SUN1: variants seen among roughly 807,000 people sequenced by gnomAD.
SUN1 encodes the protein SUN domain-containing protein 1.
A neutral mutation model predicts 103.2 loss-of-function variants in SUN1; 61 were observed. The observed-to-expected ratio is 0.59, with a 90% confidence interval of 0.48 to 0.73. The LOEUF is 0.73. SUN1 is among the 30% of genes least tolerant of loss of function. The probability of loss-of-function intolerance (pLI) is 0.00; values close to 1 mark genes in which losing one functional copy is unlikely to be tolerated. For synonymous variants in SUN1, 490 were observed against 425.7 expected (o/e 1.15, Z -1.86); for missense variants, 1,052 against 1,034.6 (o/e 1.02, Z -0.23).
chr7:872,136 G>A (rs575174098), intron 17 of SUN1, among the ~76,000 whole-genome samples: 1 of 152,316 alleles, frequency 6.6e-6, no homozygotes, highest in East Asian at 1.9e-4. Context: ...CACTGTGAGT[G>A]CTGAGGGCAG....
chr7:856,611 GT>G (rs1376283878), intron 12 of SUN1, among the ~76,000 whole-genome samples: 1 of 152,166 alleles, frequency 6.6e-6, no homozygotes, highest in Non-Finnish European at 1.5e-5. Flanking sequence ...TCCACGCGGC[GT>G]GGACCTCTGT....
chr7:847,553 C>T (rs559839896), intron 5 of SUN1, among the ~76,000 whole-genome samples: 2 of 51,718 alleles, frequency 3.9e-5, no homozygotes, highest in South Asian at 8.9e-4. Flanking sequence ...GTCCAGTCTC[C>T]GGGGTCCCCT....
chr7:866,573 C>T (rs1369776665), intron 16 of SUN1, among the ~76,000 whole-genome samples: 2 of 137,564 alleles, frequency 1.5e-5, no homozygotes, highest in African/African-American at 5.4e-5. Flanking sequence ...CCTTCGCCCC[C>T]ACTGTCTCCC....
At chr7:828,335 T>A (rs1409970257), upstream of SUN1, among the ~76,000 whole-genome samples, 1 of 152,044 alleles carries the variant, frequency 6.6e-6, no homozygotes, top group Admixed American at 6.6e-5. Flanking sequence ...GCAGTGGTGC[T>A]GTGTTGGCTC....
At chr7:863,096 C>A (rs189679730) in intron 15 of SUN1, among the ~76,000 whole-genome samples, 3 of 152,160 alleles carry the variant, frequency 2.0e-5, no homozygotes, top group Non-Finnish European at 4.4e-5. Context: ...AAGCTGAGAT[C>A]GTGCCACTGC....
Position 832,597 on chromosome 7 carries a change from C to G in SUN1, c.73C>G (p.Leu25Val). The G allele has an allele frequency of 1.9e-6, 3 of 1,611,092 alleles. No homozygotes were observed. The East Asian group carries it at 6.7e-5, about 36-fold the overall frequency. Residue 25 changes from leucine to valine, a missense_variant, in exon 1 of 19, where the codon CTC (leucine) becomes GTC (valine). Coordinates refer to ENST00000401592, the MANE Select transcript of SUN1 (RefSeq NM_001130965.3). Reference sequence around the variant, plus strand: ...GGAGAACACGGGCTACACGTATGCGCTCAGGTGAGTGTGCACCTGCACGTG... The same window carrying G: ...GGAGAACACGGGCTACACGTATGCGGTCAGGTGAGTGTGCACCTGCACGTG... ...VPENTGYTYA[L>V]SSSYSSDALD...
Position 817,249 on chromosome 7 carries a change from C to G in SUN1, c.-74+576C>G. The G allele has an allele frequency of 1.2e-5, 8 of 661,430 alleles. No individual in the cohort carries two copies. In the South Asian group the frequency reaches 1.4e-4, roughly 12 times the overall value. The allele number at this position is 661,430 out of a possible 1,614,324, so 41.0% of individuals were successfully genotyped here. ...CGCTCGGATCACAGGCGTGAGCCAC[C>G]GCGCCCGGCTGATAGTCGTATTTTT... is the stretch of plus-strand genomic sequence containing the variant. On this transcript the variant is annotated intron_variant, in intron 1 of 17. Coordinates refer to the SUN1 transcript ENST00000389574.
chr7:851,438 C>A lies in SUN1; in HGVS notation c.713C>A (p.Ser238Tyr). 6.2e-7 allele frequency: 1 copy of A among 1,610,718 alleles called. No homozygotes were observed. Among genetic ancestry groups the A allele is most frequent in the Non-Finnish European group, 8.5e-7 (1 of 1,178,576 alleles). The stretch of plus-strand genomic sequence containing the variant: ...ATCGGAGCTGTGGGCCAGGCTGTGT[C>A]CAGGACGGCGTGGTCGGCCCTTTGG... The part of the protein sequence containing the change: ...RRIGAVGQAV[S>Y]RTAWSALWLA... Residue 238 changes from serine (S) to tyrosine (Y), a missense_variant, in exon 6 of 19, where the codon TCC (serine) becomes TAC (tyrosine). Transcript: ENST00000401592.
At chr7:832,180 C>A, upstream of SUN1, 1 of 821,306 alleles carries the variant, frequency 1.2e-6, no homozygotes, top group Non-Finnish European at 1.5e-6. Context: ...GATTTAAAAA[C>A]ACATCTTGAA....
chr7:842,262 A>G (rs1810793908), intron 3 of SUN1, 132 bp downstream of exon 3: 1 of 996,342 alleles, frequency 1.0e-6, no homozygotes, highest in African/African-American at 1.6e-5. Flanking sequence ...GGCTGTGGCC[A>G]CATTGTGGGT....
In SUN1 at chr7:861,272, T is replaced by C; in HGVS notation, c.1780-108T>C. 4 of 1,107,400 alleles carry C rather than the reference T, an allele frequency of 3.6e-6. No homozygotes were observed. The South Asian group carries it at 5.4e-5, about 15-fold the overall frequency. The allele number at this position is 1,107,400 out of a possible 1,614,324, so 68.6% of individuals were successfully genotyped here. ...CCTAGGAACCCTACATAGTTTCCGT[T>C]GAGAAGATGCTCTAATGTAAGTGTC... is the stretch of plus-strand genomic sequence containing the variant. On this transcript the variant is annotated intron_variant, in intron 14 of 18. Coordinates refer to ENST00000401592, the MANE Select transcript of SUN1 (RefSeq NM_001130965.3).
upstream of SUN1, chr7:831,137 T>A (rs1797547550): frequency 5.8e-6 from 3 of 514,436 alleles, no homozygotes; most frequent in South Asian, 1.7e-4. Context: ...TGATCACAGT[T>A]AGTTTTATTT....
intron 5 of SUN1, among the ~76,000 whole-genome samples, chr7:844,315 A>G (rs1025193117): frequency 5.3e-5 from 8 of 152,178 alleles, no homozygotes; most frequent in African/African-American, 1.9e-4. Flanking sequence ...TCAAGCCCTT[A>G]GCAGCTTGTC....
chr7:830,919 C>T (rs1262502497), upstream of SUN1: 6 of 984,394 alleles, frequency 6.1e-6, no homozygotes, highest in Non-Finnish European at 7.2e-6. Flanking sequence ...CTGGGTTCTG[C>T]AGAAGCTGCC....
chr7:844,611 T>G (rs1476036251), intron 5 of SUN1, among the ~76,000 whole-genome samples: 1 of 152,098 alleles, frequency 6.6e-6, no homozygotes, highest in Non-Finnish European at 1.5e-5. Context: ...AATAAGAAAG[T>G]GTGAAAGGGG....
chr7:824,368 C>T (rs538757213), intron 1 of SUN1, among the ~76,000 whole-genome samples: 3 of 152,322 alleles, frequency 2.0e-5, no homozygotes, highest in South Asian at 2.1e-4. Flanking sequence ...TTGAGGGCCG[C>T]TGGCTGCAGA....
In SUN1 at chr7:851,391, C is replaced by T; in HGVS notation, c.666C>T (p.Phe222=). The change falls in exon 6 of 19, where the codon TTC becomes TTT. Residue 222 remains phenylalanine (F), a synonymous_variant. Coordinates refer to ENST00000401592, the MANE Select transcript of SUN1 (RefSeq NM_001130965.3). The part of the protein sequence containing the change: ...YSRDRNQKCY[F]LLQILRRIGA... ...CACGTCTTCCCTGCACAGGTTACTT[C>T]TTGCTGCAGATTCTGCGCAGGATCG... 1 of 1,602,086 alleles carries T rather than the reference C, an allele frequency of 6.2e-7. No homozygotes were observed. Among genetic ancestry groups the T allele is most frequent in the Non-Finnish European group, 8.5e-7 (1 of 1,174,284 alleles).
upstream of SUN1, chr7:816,532 G>T: frequency 2.9e-6 from 1 of 350,664 alleles, no homozygotes; most frequent in Non-Finnish European, 5.5e-6. Context: ...AGAACGCTTC[G>T]GGTGGCGCGC....
intron 5 of SUN1, chr7:851,071 AT>A (rs1318363568): frequency 4.8e-6 from 1 of 209,998 alleles, no homozygotes; most frequent in African/African-American, 2.3e-5. Context: ...AATGGCCAAT[AT>A]TTGTAGGGCG....
Sources: allele counts gnomAD v4.1 joint callset (sites outside exome capture counted in the v4.1 genomes callset), GRCh38; gene constraint gnomAD v4.1.1; transcripts MANE v1.5; gene names NCBI Gene and HGNC (gene_info 2026-07-23, HGNC 2026-07-21).